TEAD1: variants seen among roughly 807,000 people sequenced by gnomAD.
TEAD1 encodes the protein TEA domain transcription factor 1, also known as transcriptional enhancer factor TEF-1.
TEAD1 carries 9 observed loss-of-function variants against 54.9 expected under a neutral mutation model. The observed-to-expected ratio is 0.16, with a 90% CI of 0.10 to 0.29. The LOEUF (loss-of-function observed/expected upper bound fraction) is 0.29, where lower values mean the gene tolerates loss of function less well. TEAD1 is among the 10% of genes least tolerant of loss of function. The pLI is 1.00. For missense variants in TEAD1, 387 were observed against 535.9 expected, an observed-to-expected ratio of 0.72 and a Z score of 2.74; for synonymous variants, 200 against 187.8, an observed-to-expected ratio of 1.07 and a Z score of -0.53.
intron 2 of TEAD1, among the ~76,000 whole-genome samples, chr11:12,716,737 T>C (rs973110286): frequency 2.6e-5 from 4 of 152,254 alleles, no homozygotes; most frequent in Admixed American, 1.3e-4. Flanking sequence ...TAGTTTATTA[T>C]TCCTTTGTTT....
intron 3 of TEAD1, among the ~76,000 whole-genome samples, chr11:12,792,508 T>C (rs1388146212): frequency 6.6e-6 from 1 of 152,226 alleles, no homozygotes; most frequent in African/African-American, 2.4e-5. Flanking sequence ...TGCTAACCGC[T>C]GACACTTAAA....
intron 5 of TEAD1, among the ~76,000 whole-genome samples, chr11:12,876,828 G>A (rs936232982): frequency 3.3e-5 from 5 of 152,180 alleles, no homozygotes; most frequent in Non-Finnish European, 7.3e-5. Flanking sequence ...ATGTTGATGG[G>A]GAATGGAGTT....
intron 5 of TEAD1, 104 bp from the exon 6 acceptor site, chr11:12,879,604 T>C (rs1947924834): frequency 2.7e-6 from 4 of 1,475,228 alleles, no homozygotes. Flanking sequence ...TTGGCCTATT[T>C]TGTGGCTCTG....
At chr11:12,725,235 A>G (rs942877909) in intron 2 of TEAD1, among the ~76,000 whole-genome samples, 4 of 152,212 alleles carry the variant, frequency 2.6e-5, no homozygotes, top group African/African-American at 9.7e-5. Flanking sequence ...AATGTCCATG[A>G]TCAAGCAGCT....
intron 2 of TEAD1, among the ~76,000 whole-genome samples, chr11:12,715,153 C>A (rs1039080094): frequency 2.0e-5 from 3 of 152,064 alleles, no homozygotes; most frequent in African/African-American, 7.2e-5. Flanking sequence ...TCACCGCTTC[C>A]AGTTTCTGTT....
Position 12,764,259 on chromosome 11 carries a change from T to G in TEAD1, c.27T>G (p.Ser9Arg), listed in dbSNP as rs761130202. Residue 9 changes from serine (S) to arginine (R), a missense_variant, in exon 3 of 13, where the codon AGT becomes AGG. Ser to Arg is a moderately radical substitution (Grantham distance 110). Transcript: ENST00000527636. The stretch of plus-strand genomic sequence containing the variant: ...TTGAGCCCAGCAGCTGGAGCGGCAG[T>G]GAGAGCCCTGCCGAAAACATGGAAA... 1 of 1,614,064 alleles carries G rather than the reference T, an allele frequency of 6.2e-7. No homozygotes were observed. The highest frequency in any genetic ancestry group is 1.1e-5 in the South Asian group (1 of 91,078).
intron 3 of TEAD1, among the ~76,000 whole-genome samples, chr11:12,811,859 G>C (rs866765538): frequency 6.8e-6 from 1 of 147,266 alleles, no homozygotes; most frequent in Admixed American, 6.7e-5. Flanking sequence ...TGGGGGTGGG[G>C]GTGGGGGTAG....
intron 9 of TEAD1, among the ~76,000 whole-genome samples, chr11:12,896,216 G>A (rs183239789): frequency 2.8e-4 from 42 of 152,058 alleles, no homozygotes; most frequent in African/African-American, 8.9e-4. Flanking sequence ...TCAAAGTTTC[G>A]AGGAGAACTC....
intron 10 of TEAD1, chr11:12,922,995 C>T (rs1948839031): frequency 6.6e-6 from 1 of 151,088 alleles, no homozygotes; most frequent in Non-Finnish European, 1.5e-5. Context: ...GTGTCAGATC[C>T]ACGTACCTCT....
At chr11:12,783,096 GTT>G (rs1491459379) in intron 3 of TEAD1, among the ~76,000 whole-genome samples, 2 of 132,530 alleles carry the variant, frequency 1.5e-5, no homozygotes, top group East Asian at 2.2e-4. Flanking sequence ...CCAGGTAAGG[GTT>G]TGTGTGTGTG....
At chr11:12,771,394 G>T in intron 3 of TEAD1, among the ~76,000 whole-genome samples, 1 of 152,236 alleles carries the variant, frequency 6.6e-6, no homozygotes, top group East Asian at 1.9e-4. Flanking sequence ...CGGTAGGAGA[G>T]CCTGAGGCCT....
At chr11:12,854,630 T>C (rs183575506) in intron 3 of TEAD1, among the ~76,000 whole-genome samples, 48 of 152,232 alleles carry the variant, frequency 3.2e-4, no homozygotes, top group Non-Finnish European at 5.4e-4. Context: ...CTCACTCTGT[T>C]GTCCAGGCTG....
intron 3 of TEAD1, chr11:12,822,436 AGTGT>A (rs1193480901): frequency 6.6e-6 from 1 of 152,242 alleles, no homozygotes; most frequent in Non-Finnish European, 1.5e-5. Flanking sequence ...GAGATGGGAT[AGTGT>A]GTGGTGTCCA....
intron 3 of TEAD1, among the ~76,000 whole-genome samples, chr11:12,818,689 A>G (rs953625375): frequency 1.3e-5 from 2 of 152,198 alleles, no homozygotes; most frequent in African/African-American, 4.8e-5. Context: ...GGGTTTCTCA[A>G]GCTTAGAGGG....
At chr11:12,785,610 C>T (rs1246655190) in intron 3 of TEAD1, among the ~76,000 whole-genome samples, 1 of 152,166 alleles carries the variant, frequency 6.6e-6, no homozygotes, top group Non-Finnish European at 1.5e-5. Flanking sequence ...ATTCCTATGC[C>T]AGGTGATATT....
intron 3 of TEAD1, among the ~76,000 whole-genome samples, chr11:12,776,775 A>ATTATTG (rs1343289007): frequency 1.6e-5 from 2 of 125,464 alleles, no homozygotes; most frequent in African/African-American, 5.0e-5. Flanking sequence ...TATTATTATT[A>ATTATTG]TTATTATTAT....
intron 12 of TEAD1, among the ~76,000 whole-genome samples, chr11:12,932,948 C>G (rs1053861517): frequency 6.6e-6 from 1 of 151,306 alleles, no homozygotes; most frequent in African/African-American, 2.4e-5. Flanking sequence ...AAAATACTTA[C>G]CATTGTGTTG....
At chr11:12,750,620 GT>G (rs1944851750) in intron 2 of TEAD1, among the ~76,000 whole-genome samples, 1 of 152,156 alleles carries the variant, frequency 6.6e-6, no homozygotes, top group African/African-American at 2.4e-5. Flanking sequence ...TGTTTCTGGT[GT>G]TTTCGTGCTT....
chr11:12,715,703 A>AT (rs1944044877), intron 2 of TEAD1, among the ~76,000 whole-genome samples: 1 of 152,180 alleles, frequency 6.6e-6, no homozygotes, highest in Non-Finnish European at 1.5e-5. Flanking sequence ...GGCTTATCAG[A>AT]TTAAAAAAAA....
Sources: gnomAD v4.1 joint callset for allele counts (sites outside exome capture counted in the v4.1 genomes callset) on GRCh38, gnomAD v4.1.1 for gene constraint, MANE v1.5 for transcripts, NCBI Gene and HGNC (gene_info 2026-07-23, HGNC 2026-07-21) for gene names.